The following FLNB variants were observed in gnomAD, a reference collection of about 807,000 sequenced individuals.
FLNB encodes filamin-B.
A neutral mutation model predicts 250.6 loss-of-function variants in FLNB; 111 were observed. The observed-to-expected ratio is 0.44, with a 90% confidence interval of 0.38 to 0.52. The LOEUF (loss-of-function observed/expected upper bound fraction) is 0.52, where lower values mean the gene tolerates loss of function less well. Among genes scored for constraint, FLNB ranks in the 20% least tolerant of loss-of-function variants. The pLI is 0.00. For synonymous variants in FLNB, 1,302 were observed against 1,372.1 expected, an observed-to-expected ratio of 0.95 and a Z score of 1.13; for missense variants, 2,869 against 3,447.8, an observed-to-expected ratio of 0.83 and a Z score of 4.20.
chr3:58,098,979 A>G, intron 8 of FLNB, 71 bp downstream of exon 8: 2 of 1,360,850 alleles, frequency 1.5e-6, no homozygotes, highest in South Asian at 1.2e-5. Flanking sequence ...CAGGGAGGCC[A>G]GGAAAACAGT....
At chr3:58,155,902 C>T in intron 40 of FLNB, 58 bp from the exon 41 acceptor site, 3 of 1,226,438 alleles carry the variant, frequency 2.4e-6, no homozygotes, top group Non-Finnish European at 3.6e-6. Context: ...TGGTGAGAAG[C>T]AAGAGTCCAC....
intron 1 of FLNB, among the ~76,000 whole-genome samples, chr3:58,039,309 G>GT (rs1266893361): frequency 7.0e-6 from 1 of 142,816 alleles, no homozygotes; most frequent in South Asian, 2.2e-4. Flanking sequence ...AATTTGATAG[G>GT]TAAAAAAAAA....
At chr3:58,109,484 T>A in intron 14 of FLNB, 92 bp from the exon 15 acceptor site, 5 of 1,607,994 alleles carry the variant, frequency 3.1e-6, no homozygotes, top group Non-Finnish European at 4.3e-6. Context: ...TCCAGCCTGC[T>A]CAGAAGAACT....
At position 58,098,617 on chromosome 3, in the gene FLNB, G is replaced by A. The variant is rs2097243367; in HGVS notation, c.1148-94G>A. The A allele has an allele frequency of 5.0e-6, 6 of 1,197,902 alleles. No homozygotes were observed. In the South Asian group the frequency reaches 5.1e-5, roughly 10 times the overall value. 74.2% of individuals were successfully genotyped at this position (1,197,902 alleles called of 1,614,324 possible). On this transcript the variant is annotated intron_variant, in intron 7 of 45. Transcript: ENST00000295956. ...CGAAGTGCTGGGATTACAAGCATGA[G>A]CCACCACACTGGTCCTGTTTGCATT...
intron 27 of FLNB, among the ~76,000 whole-genome samples, chr3:58,135,066 T>C (rs540275514): frequency 2.4e-4 from 37 of 152,332 alleles, no homozygotes; most frequent in African/African-American, 8.4e-4. Flanking sequence ...TTGCCCAATC[T>C]GGTCTTGAAC....
intron 1 of FLNB, among the ~76,000 whole-genome samples, chr3:58,043,141 CTTTTTTTTTT>C (rs58727890): frequency 5.9e-5 from 6 of 101,984 alleles, no homozygotes; most frequent in African/African-American, 2.1e-4. Flanking sequence ...TTTGGCATTC[CTTTTTTTTTT>C]TTTTTTTTTT....
chr3:58,153,476 T>C lies in FLNB; in HGVS notation c.6469T>C (p.Phe2157Leu). Reference protein sequence around the residue: ...PMGKNSHCVRFVPQEMGVHTV... With the variant: ...PMGKNSHCVRLVPQEMGVHTV... ...GGGGAAGAACTCACACTGCGTCCGG[T>C]TTGTGCCCCAGGAGATGGGCGTGCA... The change falls in exon 39 of 46, where the codon TTT becomes CTT. Residue 2157 changes from phenylalanine to leucine, a missense_variant. Coordinates refer to ENST00000295956, the MANE Select transcript of FLNB (RefSeq NM_001457.4). 6.2e-7 allele frequency: 1 copy of C among 1,614,220 alleles called. No homozygotes were observed. Among genetic ancestry groups the C allele is most frequent in the Non-Finnish European group, 8.5e-7 (1 of 1,180,038 alleles).
At chr3:58,045,612 C>A (rs961650292) in intron 1 of FLNB, among the ~76,000 whole-genome samples, 9 of 152,120 alleles carry the variant, frequency 5.9e-5, no homozygotes, top group African/African-American at 2.2e-4. Flanking sequence ...ATTTTGTGAA[C>A]CTGAAACTTG....
chr3:58,039,701 AT>A (rs914429850), intron 1 of FLNB, among the ~76,000 whole-genome samples: 5 of 152,166 alleles, frequency 3.3e-5, no homozygotes, highest in Admixed American at 2.6e-4. Context: ...AAGTGCCCTG[AT>A]TTGCTTTTGG....
At chr3:58,098,074 T>C in intron 7 of FLNB, 97 bp downstream of exon 7, 8 of 1,258,518 alleles carry the variant, frequency 6.4e-6, no homozygotes, top group South Asian at 1.2e-5. Flanking sequence ...TTTTGTCTTT[T>C]AAATCAAATA....
At position 58,106,845 on chromosome 3, in the gene FLNB, C is replaced by T; in HGVS notation, c.1913C>T (p.Pro638Leu). The change falls in exon 12 of 46, where the codon CCA (proline) becomes CTA (leucine). Residue 638 changes from proline to leucine, a missense_variant. By Grantham distance (98) the Pro-to-Leu change is moderately conservative (BLOSUM62 -3). Around this residue, in one of 5 missense-constraint regions of FLNB, gnomAD observed 1,348 missense variants for 1,466.7 expected, o/e 0.92. Coordinates refer to ENST00000295956, the MANE Select transcript of FLNB (RefSeq NM_001457.4). ...KDSPYMAFIH[P>L]ATGGYNPDLV... is the part of the protein sequence containing the mutation. ...AGCCCGTACATGGCCTTCATCCACC[C>T]AGCCACGGGAGGCTACAACCCTGAT... 1 of 1,613,986 alleles carries T rather than the reference C, an allele frequency of 6.2e-7. No individual in the cohort carries two copies. The highest frequency in any genetic ancestry group is 8.5e-7 in the Non-Finnish European group (1 of 1,180,008).
intron 18 of FLNB, among the ~76,000 whole-genome samples, chr3:58,118,085 A>G (rs2097281988): frequency 6.6e-6 from 1 of 152,134 alleles, no homozygotes; most frequent in African/African-American, 2.4e-5. Context: ...CCATGGAGAG[A>G]AGAAGCCGGC....
At position 58,169,830 on chromosome 3, in the gene FLNB, A is replaced by C; in HGVS notation, c.7621+37A>C. The C allele has an allele frequency of 1.2e-4, 80 of 672,002 alleles. No individual in the cohort carries two copies. The highest frequency in any genetic ancestry group is 1.9e-4 in the Non-Finnish European group (70 of 369,976). The allele number at this position is 672,002 out of a possible 1,614,324, so 41.6% of individuals were successfully genotyped here. A position where few individuals can be genotyped will look rare whatever the true frequency, so the allele number is the denominator to read the frequency against. On this transcript the variant is annotated intron_variant, in intron 45 of 45. Coordinates refer to ENST00000295956, the MANE Select transcript of FLNB (RefSeq NM_001457.4). The surrounding 1 kb of genome is among the most constrained non-coding windows in gnomAD (Gnocchi z 4.8). ...GGCCTTTTCAAGGGTGGGGTGGGGC[A>C]GGGGCAGGCTGGGCACCCTGGGTAC...
At chr3:58,049,952 AG>A (rs1475742913) in intron 1 of FLNB, among the ~76,000 whole-genome samples, 1 of 151,280 alleles carries the variant, frequency 6.6e-6, no homozygotes, top group Non-Finnish European at 1.5e-5. Context: ...GGGGCAGAGG[AG>A]GGTCTTCTGG....
At position 58,169,400 on chromosome 3, in the gene FLNB, T is replaced by C. The variant is rs1320946509; in HGVS notation, c.7418-190T>C. 3 of 626,624 alleles carry C rather than the reference T, an allele frequency of 4.8e-6. No individual in the cohort carries two copies. The highest frequency in any genetic ancestry group is 3.5e-5 in the South Asian group (2 of 57,094). The allele number at this position is 626,624 out of a possible 1,614,324, so 38.8% of individuals were successfully genotyped here. A position where few individuals can be genotyped will look rare whatever the true frequency, so the allele number is the denominator to read the frequency against. On this transcript the variant is annotated intron_variant, in intron 44 of 45. Coordinates refer to ENST00000295956, the MANE Select transcript of FLNB (RefSeq NM_001457.4). This position sits in a 1 kb window ranked among gnomAD's most constrained non-coding sequence, Gnocchi z 4.8. ...TCCATTTGCCCAGAAAGCCAGATCCTAGTTGTATGGGGGTGGGATCCTAGG... is the reference window on the plus strand; with the variant it reads ...TCCATTTGCCCAGAAAGCCAGATCCCAGTTGTATGGGGGTGGGATCCTAGG...
intron 18 of FLNB, among the ~76,000 whole-genome samples, chr3:58,113,155 T>C (rs576700697): frequency 6.6e-6 from 1 of 152,362 alleles, no homozygotes; most frequent in East Asian, 1.9e-4. Flanking sequence ...CATAATTCTT[T>C]ACATCTTGTA....
intron 1 of FLNB, among the ~76,000 whole-genome samples, chr3:58,057,755 G>T (rs1467151615): frequency 6.6e-6 from 1 of 152,120 alleles, no homozygotes; most frequent in Non-Finnish European, 1.5e-5. Context: ...TATAGTCGAT[G>T]GAATCTCAGA....
Position 58,097,856 on chromosome 3 carries a change from A to G in FLNB, c.1026A>G (p.Pro342=). Residue 342 remains proline (P), a synonymous_variant, in exon 7 of 46, where the codon CCA becomes CCG. Transcript: ENST00000295956. ...CAGGACAGCACATCTCCAAGAGCCCATTTGAAGTGAGTGTTGACAAGGCCC... is the reference window on the plus strand; with the variant it reads ...CAGGACAGCACATCTCCAAGAGCCCGTTTGAAGTGAGTGTTGACAAGGCCC... ...LFAGQHISKS[P]FEVSVDKAQG... The G allele has an allele frequency of 9.9e-6, 16 of 1,614,166 alleles. No homozygotes were observed. The highest frequency in any genetic ancestry group is 1.4e-5 in the Non-Finnish European group (16 of 1,180,014).
intron 8 of FLNB, among the ~76,000 whole-genome samples, chr3:58,100,641 A>G (rs1012523448): frequency 1.4e-4 from 19 of 133,142 alleles, no homozygotes; most frequent in Non-Finnish European, 2.6e-4. Flanking sequence ...TCTCTCACCC[A>G]TGCTGGAGTG....
Sources: allele counts gnomAD v4.1 joint callset (sites outside exome capture counted in the v4.1 genomes callset), GRCh38; gene constraint gnomAD v4.1.1; regional missense constraint gnomAD v4.1.1; non-coding constraint Gnocchi (gnomAD v3.1); transcripts MANE v1.5; gene names NCBI Gene and HGNC (gene_info 2026-07-23, HGNC 2026-07-21).